CARMIL1: variants seen among roughly 807,000 people sequenced by gnomAD.
CARMIL1 encodes the protein capping protein regulator and myosin 1 linker 1.
CARMIL1 carries 90 observed loss-of-function variants against 177.1 expected under a neutral mutation model. The observed-to-expected ratio is 0.51, with a 90% CI of 0.43 to 0.61. The LOEUF is 0.61. CARMIL1 is among the 20% of genes least tolerant of loss of function. The pLI, the probability that CARMIL1 is intolerant of heterozygous loss-of-function variation, is 0.00. For synonymous variants in CARMIL1, 577 were observed against 606.2 expected (o/e 0.95, Z 0.71); for missense variants, 1,380 against 1,667.0 (o/e 0.83, Z 3.00).
chr6:25,384,313 C>T (rs1791923246), intron 2 of CARMIL1, among the ~76,000 whole-genome samples: 1 of 152,208 alleles, frequency 6.6e-6, no homozygotes, highest in Admixed American at 6.5e-5. Context: ...TTGGTTTTGC[C>T]AGCGTTGATG....
chr6:25,379,462 T>C (rs1310614133), intron 2 of CARMIL1, among the ~76,000 whole-genome samples: 2 of 152,084 alleles, frequency 1.3e-5, no homozygotes, highest in Non-Finnish European at 2.9e-5. Context: ...AGAATTTGGA[T>C]AGATGGAAGA....
At chr6:25,606,561 G>C (rs1447547479) in intron 35 of CARMIL1, among the ~76,000 whole-genome samples, 1 of 152,186 alleles carries the variant, frequency 6.6e-6, no homozygotes, top group Non-Finnish European at 1.5e-5. Context: ...TCAGTCTTTT[G>C]TCATGTTGAC....
chr6:25,496,867 T>G lies in CARMIL1; in HGVS notation c.1325+1652T>G, dbSNP rs566271491. On this transcript the variant is annotated intron_variant, in intron 16 of 36. Transcript: ENST00000329474. ...CAATGTTGTTTACTTTTGTATAATATAGAGTAACATTTTGTTGGTTAATGT... is the reference window on the plus strand; with the variant it reads ...CAATGTTGTTTACTTTTGTATAATAGAGAGTAACATTTTGTTGGTTAATGT... Among the ~76,000 whole-genome samples, 35 of 152,362 alleles carry G rather than the reference T, an allele frequency of 2.3e-4. 1 individual carries two copies. The South Asian group carries it at 7.0e-3, about 31-fold the overall frequency.
At chr6:25,306,644 A>G (rs796783491) in intron 2 of CARMIL1, among the ~76,000 whole-genome samples, 11 of 152,312 alleles carry the variant, frequency 7.2e-5, no homozygotes, top group African/African-American at 2.6e-4. Context: ...ATGCTGAATA[A>G]TATTCTGTTG....
chr6:25,526,740 A>G (rs905809162), intron 23 of CARMIL1, among the ~76,000 whole-genome samples: 15 of 151,774 alleles, frequency 9.9e-5, no homozygotes, highest in African/African-American at 3.4e-4. Flanking sequence ...TTTTGTAGGG[A>G]TGAGGTCTTG....
intron 2 of CARMIL1, among the ~76,000 whole-genome samples, chr6:25,304,094 C>T (rs1783075079): frequency 6.6e-6 from 1 of 152,210 alleles, no homozygotes; most frequent in South Asian, 2.1e-4. Flanking sequence ...GCCTGCTGCC[C>T]CCACAGGTGC....
chr6:25,573,216 A>T (rs770194952), intron 29 of CARMIL1, among the ~76,000 whole-genome samples: 7 of 152,290 alleles, frequency 4.6e-5, no homozygotes, highest in African/African-American at 1.4e-4. Context: ...ATGTCACCCA[A>T]ATTATCCCAT....
At chr6:25,384,317 G>A (rs928011595) in intron 2 of CARMIL1, among the ~76,000 whole-genome samples, 3 of 152,220 alleles carry the variant, frequency 2.0e-5, no homozygotes, top group African/African-American at 7.2e-5. Context: ...TTTTGCCAGC[G>A]TTGATGCTCA....
chr6:25,384,654 G>A (rs1297871762), intron 2 of CARMIL1, among the ~76,000 whole-genome samples: 3 of 152,142 alleles, frequency 2.0e-5, no homozygotes, highest in East Asian at 1.9e-4. Context: ...TTCAGAATGC[G>A]ACCTATGGGG....
chr6:25,286,966 C>A (rs1176891688), intron 2 of CARMIL1, among the ~76,000 whole-genome samples: 1 of 152,170 alleles, frequency 6.6e-6, no homozygotes, highest in Non-Finnish European at 1.5e-5. Context: ...TTTATCTCCC[C>A]AAATATGGAA....
chr6:25,307,127 T>A (rs1783338935), intron 2 of CARMIL1, among the ~76,000 whole-genome samples: 1 of 152,086 alleles, frequency 6.6e-6, no homozygotes, highest in South Asian at 2.1e-4. Context: ...GTGATCCGCC[T>A]GCCTTGGTCT....
chr6:25,531,096 A>G (rs1807724400), intron 24 of CARMIL1, among the ~76,000 whole-genome samples: 1 of 152,230 alleles, frequency 6.6e-6, no homozygotes, highest in African/African-American at 2.4e-5. Flanking sequence ...TCGTGGAATC[A>G]ACTGCTATTT....
chr6:25,438,890 G>A (rs1333391808), intron 5 of CARMIL1, among the ~76,000 whole-genome samples: 1 of 151,484 alleles, frequency 6.6e-6, no homozygotes, highest in Non-Finnish European at 1.5e-5. Context: ...ATGGACTGGT[G>A]GCAGAGCAAG....
chr6:25,496,901 T>C (rs1311243842), intron 16 of CARMIL1, among the ~76,000 whole-genome samples: 2 of 152,236 alleles, frequency 1.3e-5, no homozygotes, highest in Non-Finnish European at 2.9e-5. Context: ...GTGACTGATT[T>C]TGCGGAATAT....
intron 2 of CARMIL1, among the ~76,000 whole-genome samples, chr6:25,399,914 T>A (rs1344547059): frequency 6.6e-6 from 1 of 152,216 alleles, no homozygotes. Context: ...ATATACATCC[T>A]CTTATTTAAT....
At chr6:25,368,136 A>G (rs773993149) in intron 2 of CARMIL1, among the ~76,000 whole-genome samples, 3 of 152,326 alleles carry the variant, frequency 2.0e-5, no homozygotes, top group South Asian at 4.1e-4. Context: ...CAGAGTTCAA[A>G]TCAGTTGGTA....
At chr6:25,356,212 T>C (rs9467475) in intron 2 of CARMIL1, among the ~76,000 whole-genome samples, 17,468 of 152,076 alleles carry the variant, frequency 0.11, 1,133 homozygotes, top group African/African-American at 0.18. Flanking sequence ...CTCCCGCCAC[T>C]GCGCCCGGCT....
intron 3 of CARMIL1, among the ~76,000 whole-genome samples, chr6:25,425,156 G>A (rs944249972): frequency 7.2e-5 from 11 of 152,084 alleles, no homozygotes; most frequent in Admixed American, 7.2e-4. Context: ...TTAGCTCTTG[G>A]AGGACAAAAC....
intron 36 of CARMIL1, 36 bp downstream of exon 36, chr6:25,610,217 C>T: frequency 6.3e-7 from 1 of 1,592,994 alleles, no homozygotes. Flanking sequence ...TCTGGGTTAG[C>T]TCTCCCCAAG....
Sources: gnomAD v4.1 joint callset for allele counts (sites outside exome capture counted in the v4.1 genomes callset) on GRCh38, gnomAD v4.1.1 for gene constraint, MANE v1.5 for transcripts, NCBI Gene and HGNC (gene_info 2026-07-23, HGNC 2026-07-21) for gene names.